The following ACACA variants were observed in gnomAD, a reference collection of about 807,000 sequenced individuals.
The protein encoded by ACACA is acetyl-CoA carboxylase alpha, also known as acetyl-CoA carboxylase 1.
In ACACA, 103 loss-of-function variants were observed where a neutral mutation model predicts 296.1. The ratio of observed to expected loss-of-function variants is 0.35; its 90% CI spans 0.30 to 0.41. ACACA has a LOEUF of 0.41. Ranked by LOEUF, ACACA falls within the 10% of genes least tolerant of loss-of-function variation. ACACA has a pLI of 1.00. For synonymous variants in ACACA, 953 were observed against 1,038.6 expected (o/e 0.92, Z 1.58); for missense variants, 1,554 against 2,989.7 (o/e 0.52, Z 11.20).
chr17:37,311,235 G>C (rs77379367), intron 3 of ACACA, among the ~76,000 whole-genome samples: 16,056 of 152,072 alleles, frequency 0.11, 1,147 homozygotes, highest in East Asian at 0.3. Flanking sequence ...GAGAGATAAG[G>C]CAATAATCCA....
At chr17:37,179,640 A>G (rs1039594552) in intron 40 of ACACA, among the ~76,000 whole-genome samples, 2 of 152,204 alleles carry the variant, frequency 1.3e-5, no homozygotes, top group African/African-American at 4.8e-5. Flanking sequence ...GTGATTCCAA[A>G]TCAGCACCAG....
chr17:37,383,725 G>A (rs1440339875), intron 1 of ACACA, among the ~76,000 whole-genome samples: 1 of 152,074 alleles, frequency 6.6e-6, no homozygotes, highest in African/African-American at 2.4e-5. Flanking sequence ...TGTATTTTTA[G>A]TAGAGATAGG....
chr17:37,398,248 G>T (rs1474893399), intron 1 of ACACA, among the ~76,000 whole-genome samples: 1 of 124,162 alleles, frequency 8.1e-6, no homozygotes, highest in Admixed American at 8.1e-5. Flanking sequence ...AAAAAAAACA[G>T]TTTGGCCTCC....
chr17:37,133,337 G>A (rs1169240975), intron 45 of ACACA, among the ~76,000 whole-genome samples: 3 of 152,200 alleles, frequency 2.0e-5, no homozygotes, highest in Non-Finnish European at 2.9e-5. Context: ...AGTAGAATGA[G>A]GGCGCACACA....
chr17:37,133,010 G>A (rs2075173693), intron 45 of ACACA, among the ~76,000 whole-genome samples: 1 of 152,146 alleles, frequency 6.6e-6, no homozygotes, highest in South Asian at 2.1e-4. Flanking sequence ...CCTTTCCTAT[G>A]TTTAGAAGAA....
At chr17:37,092,147 G>C (rs554287064) in intron 54 of ACACA, among the ~76,000 whole-genome samples, 7 of 151,758 alleles carry the variant, frequency 4.6e-5, no homozygotes, top group Non-Finnish European at 1.0e-4. Flanking sequence ...AGGTGGGGTA[G>C]TGTATGCCTA....
intron 39 of ACACA, among the ~76,000 whole-genome samples, chr17:37,181,722 A>G (rs531970050): frequency 3.2e-4 from 48 of 151,804 alleles, no homozygotes; most frequent in Admixed American, 1.1e-3. Flanking sequence ...ACATGGTGAA[A>G]CCTTGTCTCT....
rs942323693 is a variant in ACACA at position 37,321,481 on chromosome 17, G to A, written c.338+8692C>T. ...ACTACAAAACGTGGCCGGGTGCGGT[G>A]GCTCACGTCTGTAATCTCAGCACTT... is the stretch of plus-strand genomic sequence containing the variant. On this transcript the variant is annotated intron_variant, in intron 3 of 55. Transcript: ENST00000616317. Among the ~76,000 whole-genome samples, 3 of 152,294 alleles carry A rather than the reference G, an allele frequency of 2.0e-5. No homozygotes were observed. In the East Asian group the frequency reaches 5.8e-4, roughly 29 times the overall value.
chr17:37,233,734 C>CA (rs568343853), intron 25 of ACACA, among the ~76,000 whole-genome samples: 4 of 151,852 alleles, frequency 2.6e-5, no homozygotes, highest in South Asian at 2.1e-4. Context: ...TTTTGACTGA[C>CA]AAAAAAAATT....
chr17:37,179,362 A>G lies in ACACA; in HGVS notation c.4977T>C (p.Leu1659=). 6.2e-7 allele frequency: 1 copy of G among 1,614,194 alleles called. No homozygotes were observed. Among genetic ancestry groups the G allele is most frequent in the Non-Finnish European group, 8.5e-7 (1 of 1,180,022 alleles). ...LWESMSTQAF[L]PSPPLPSDML... is the part of the protein sequence containing the mutation. ...TGTCAGAAGGCAGAGGGGGAGATGG[A>G]AGAAATGCTTGAGTGGACATAGACT... Residue 1659 remains leucine, a synonymous_variant, in exon 41 of 56, where the codon CTT becomes CTC. Coordinates refer to ENST00000616317, the MANE Select transcript of ACACA (RefSeq NM_198834.3).
rs2049003793 is a variant in ACACA, at chr17:37,353,634, GTCTA to G, written c.39-13788_39-13785del. On this transcript the variant is annotated intron_variant, in intron 1 of 55. Transcript: ENST00000616317. ...AGCCTAGGCGACAGAGCAAGACTCCGTCTAAAAAAAAAAAAAAAAAAAAAAAAAA... is the reference window on the plus strand; with the variant it reads ...AGCCTAGGCGACAGAGCAAGACTCCGAAAAAAAAAAAAAAAAAAAAAAAAA... Among the ~76,000 whole-genome samples the G allele has an allele frequency of 1.5e-4, 8 of 54,360 alleles. No homozygotes were observed. The Admixed American group carries it at 3.0e-3, about 20-fold the overall frequency. The allele number at this position is 54,360 out of a possible 152,430, so 35.7% of individuals were successfully genotyped here. A position where few individuals can be genotyped will look rare whatever the true frequency, so the allele number is the denominator to read the frequency against.
At chr17:37,103,722 A>AACACACAC (rs3049593) in intron 52 of ACACA, among the ~76,000 whole-genome samples, 3 of 148,694 alleles carry the variant, frequency 2.0e-5, no homozygotes, top group Non-Finnish European at 4.5e-5. Context: ...CAAACACACA[A>AACACACAC]ACACACACAC....
At chr17:37,325,069 C>T (rs977133946) in intron 3 of ACACA, among the ~76,000 whole-genome samples, 19 of 150,656 alleles carry the variant, frequency 1.3e-4, no homozygotes, top group African/African-American at 2.4e-4. Flanking sequence ...GGCATGGTGG[C>T]GCGCACCTCT....
rs1251209907 is a variant in ACACA, at chr17:37,193,389, G to A, written c.4185C>T (p.Phe1395=). 2.5e-6 allele frequency: 4 copies of A among 1,603,260 alleles called. No homozygotes were observed. Among genetic ancestry groups the A allele is most frequent in the African/African-American group, 1.3e-5 (1 of 74,610 alleles). The part of the protein sequence containing the change: ...FHREFPKFFT[F]RARDKFEEDR... ...CAATCCTTACCTTATCCCTTGCTCG[G>A]AATGTAAAAAATTTAGGGAATTCTC... Residue 1395 remains phenylalanine, a synonymous_variant, in exon 36 of 56, where the codon TTC becomes TTT. Transcript: ENST00000616317.
chr17:37,085,344 T>G lies in ACACA; in HGVS notation c.*1972A>C. On this transcript the variant is annotated 3_prime_UTR_variant, in exon 56 of 56. Transcript: ENST00000616317. ...GGGTTCTAGAGAGGAAACATACTCG[T>G]TTGTGTCATAATTTGGTGGGGAGAG... is the stretch of plus-strand genomic sequence containing the variant. The G allele has an allele frequency of 2.9e-6, 1 of 344,464 alleles. No individual in the cohort carries two copies. The highest frequency in any genetic ancestry group is 5.2e-6 in the Non-Finnish European group (1 of 192,050). The allele number at this position is 344,464 out of a possible 1,614,324, so 21.3% of individuals were successfully genotyped here.
intron 1 of ACACA, among the ~76,000 whole-genome samples, chr17:37,349,243 T>G (rs1372367502): frequency 6.6e-6 from 1 of 150,466 alleles, no homozygotes; most frequent in African/African-American, 2.4e-5. Flanking sequence ...ATATTTTTAG[T>G]AGAGATGAGG....
chr17:37,230,749 C>T (rs1398763996), intron 25 of ACACA, among the ~76,000 whole-genome samples: 4 of 152,188 alleles, frequency 2.6e-5, no homozygotes, highest in Admixed American at 2.6e-4. Flanking sequence ...GACAAACAAA[C>T]ATCACCATCT....
intron 3 of ACACA, among the ~76,000 whole-genome samples, chr17:37,315,753 G>T (rs934758488): frequency 6.6e-6 from 1 of 152,144 alleles, no homozygotes; most frequent in Non-Finnish European, 1.5e-5. Context: ...CTTCCTCCAG[G>T]CATACAGCTC....
chr17:37,133,978 T>G (rs2082175972), intron 45 of ACACA, among the ~76,000 whole-genome samples: 1 of 152,176 alleles, frequency 6.6e-6, no homozygotes, highest in African/African-American at 2.4e-5. Flanking sequence ...TGACTCATTC[T>G]CAATATAAAC....
Sources: gnomAD v4.1 joint callset for allele counts (sites outside exome capture counted in the v4.1 genomes callset) on GRCh38, gnomAD v4.1.1 for gene constraint, MANE v1.5 for transcripts, NCBI Gene and HGNC (gene_info 2026-07-23, HGNC 2026-07-21) for gene names.